MAD1L1: variants seen among roughly 807,000 people sequenced by gnomAD.
MAD1L1 encodes the protein mitotic spindle assembly checkpoint protein MAD1.
MAD1L1 carries 95 observed loss-of-function variants against 96.9 expected under a neutral mutation model. The ratio of observed to expected loss-of-function variants is 0.98; its 90% confidence interval spans 0.83 to 1.16. MAD1L1 has a LOEUF of 1.16. Among genes scored for constraint, MAD1L1 ranks in the 50% most tolerant of loss-of-function variants. The probability of loss-of-function intolerance (pLI) is 0.00; values close to 1 mark genes in which losing one functional copy is unlikely to be tolerated. For synonymous variants in MAD1L1, 473 were observed against 396.6 expected (o/e 1.19, Z -2.29); for missense variants, 1,007 against 954.4 (o/e 1.06, Z -0.73).
At chr7:1,870,788 C>G (rs1273584987) in intron 18 of MAD1L1, among the ~76,000 whole-genome samples, 1 of 122,344 alleles carries the variant, frequency 8.2e-6, no homozygotes, top group Non-Finnish European at 1.7e-5. Flanking sequence ...ACACCTGCCA[C>G]GCTGAACCCA....
At chr7:1,911,136 C>G (rs114522402) in intron 17 of MAD1L1, among the ~76,000 whole-genome samples, 241 of 152,288 alleles carry the variant, frequency 1.6e-3, no homozygotes, top group African/African-American at 5.2e-3. Context: ...TCCCTCCATC[C>G]CCCGCACCCC....
intron 10 of MAD1L1, among the ~76,000 whole-genome samples, chr7:2,189,871 G>A (rs1415763414): frequency 6.6e-6 from 1 of 152,106 alleles, no homozygotes; most frequent in Non-Finnish European, 1.5e-5. Context: ...ACAGTATCTC[G>A]CAAGACCCTA....
chr7:2,064,118 CAAG>C (rs907930169), intron 12 of MAD1L1, among the ~76,000 whole-genome samples: 7 of 152,170 alleles, frequency 4.6e-5, no homozygotes, highest in African/African-American at 1.4e-4. Flanking sequence ...ACACTGAATC[CAAG>C]GAGGCTGGGG....
At chr7:2,210,640 G>C (rs528808073) in intron 10 of MAD1L1, among the ~76,000 whole-genome samples, 2 of 152,160 alleles carry the variant, frequency 1.3e-5, no homozygotes, top group Non-Finnish European at 2.9e-5. Flanking sequence ...CCGAGATCAC[G>C]GCCTGATGCA....
chr7:1,888,714 CGTGCATGTGGGTGGCT>C (rs1211991628), intron 18 of MAD1L1, among the ~76,000 whole-genome samples: 3 of 149,040 alleles, frequency 2.0e-5, no homozygotes, highest in Non-Finnish European at 4.5e-5. Context: ...TGTGGCTGCC[CGTGCATGTGGGTGGCT>C]GTGCATGGGT....
In MAD1L1 at chr7:2,185,751, C is replaced by T. The variant is rs1348540083; in HGVS notation, c.986+27461G>A. ...TGAGGTGGAAAAGGTGAGAACGTGA[C>T]GGTCAGGGTGAGGAGAGAAAAAAAT... On this transcript the variant is annotated intron_variant, in intron 10 of 18. Coordinates refer to ENST00000265854, the MANE Select transcript of MAD1L1 (RefSeq NM_001013836.2). 3.9e-5 allele frequency among the ~76,000 whole-genome samples: 6 copies of T among 151,976 alleles called. No homozygotes were observed. In the South Asian group the frequency reaches 6.2e-4, roughly 16 times the overall value.
At chr7:2,216,971 G>A (rs959506724) in intron 7 of MAD1L1, among the ~76,000 whole-genome samples, 26 of 152,210 alleles carry the variant, frequency 1.7e-4, no homozygotes, top group Middle Eastern at 3.4e-3. Flanking sequence ...AGCCCTCCGC[G>A]TACTGGGAGC....
chr7:2,169,587 G>A (rs1180904822), intron 10 of MAD1L1, among the ~76,000 whole-genome samples: 1 of 152,228 alleles, frequency 6.6e-6, no homozygotes, highest in Non-Finnish European at 1.5e-5. Flanking sequence ...GCAGGTGCCA[G>A]GCTCCGCGCT....
chr7:1,863,422 C>T (rs115521219), intron 18 of MAD1L1, among the ~76,000 whole-genome samples: 1,616 of 152,350 alleles, frequency 0.011, 29 homozygotes, highest in African/African-American at 0.036. Flanking sequence ...GGAGACCTCG[C>T]GGTCCACTGA....
intron 16 of MAD1L1, among the ~76,000 whole-genome samples, chr7:1,942,405 G>A (rs137944976): frequency 1.2e-4 from 19 of 152,342 alleles, no homozygotes; most frequent in Admixed American, 3.9e-4. Context: ...CCTGGGCAGC[G>A]CAGAGTCAGG....
intron 11 of MAD1L1, among the ~76,000 whole-genome samples, chr7:2,095,850 G>A (rs187439823): frequency 2.0e-5 from 3 of 152,230 alleles, no homozygotes; most frequent in Admixed American, 6.5e-5. Flanking sequence ...GTGCATCCAC[G>A]CACACTTGCC....
chr7:2,129,208 G>T (rs528505816), intron 11 of MAD1L1, among the ~76,000 whole-genome samples: 2 of 152,194 alleles, frequency 1.3e-5, no homozygotes, highest in African/African-American at 4.8e-5. Context: ...CTAACCCACC[G>T]CCAGGCAGCT....
intron 10 of MAD1L1, among the ~76,000 whole-genome samples, chr7:2,154,063 G>A (rs2128583277): frequency 6.6e-6 from 1 of 152,340 alleles, no homozygotes; most frequent in African/African-American, 2.4e-5. Context: ...GGCTGAGGCA[G>A]GAGAATCACT....
At chr7:2,174,886 A>T (rs991695471) in intron 10 of MAD1L1, among the ~76,000 whole-genome samples, 5 of 151,720 alleles carry the variant, frequency 3.3e-5, no homozygotes, top group Admixed American at 6.6e-5. Flanking sequence ...TACATCAGAG[A>T]CTCCTTCAGA....
chr7:2,078,758 G>A (rs983634145), intron 11 of MAD1L1, among the ~76,000 whole-genome samples: 1 of 152,234 alleles, frequency 6.6e-6, no homozygotes, highest in African/African-American at 2.4e-5. Flanking sequence ...GGAGGAAGGG[G>A]CTCAGAGGTG....
chr7:1,940,156 G>A (rs1778880544), intron 16 of MAD1L1: 1 of 152,272 alleles, frequency 6.6e-6, no homozygotes, highest in Non-Finnish European at 1.5e-5. Context: ...GGGGTTTGCA[G>A]ACACGGCTCG....
chr7:1,935,708 G>A (rs1324436946), intron 17 of MAD1L1, among the ~76,000 whole-genome samples: 1 of 152,246 alleles, frequency 6.6e-6, no homozygotes, highest in Non-Finnish European at 1.5e-5. Flanking sequence ...TACAGGGCGC[G>A]ATGGCAAGTA....
At chr7:2,086,443 ACG>A (rs1408639546) in intron 11 of MAD1L1, among the ~76,000 whole-genome samples, 2 of 152,288 alleles carry the variant, frequency 1.3e-5, no homozygotes, top group African/African-American at 4.8e-5. Context: ...GCCAAGGAGC[ACG>A]ACAGAGACAG....
At chr7:1,887,265 G>A (rs1351233098) in intron 18 of MAD1L1, among the ~76,000 whole-genome samples, 1 of 152,200 alleles carries the variant, frequency 6.6e-6, no homozygotes. Flanking sequence ...GTGTGGGCAT[G>A]TGTGCATGCA....
Sources: gnomAD v4.1 joint callset for allele counts (sites outside exome capture counted in the v4.1 genomes callset) on GRCh38, gnomAD v4.1.1 for gene constraint, MANE v1.5 for transcripts, NCBI Gene and HGNC (gene_info 2026-07-23, HGNC 2026-07-21) for gene names.